Variants in DLGAP2 observed in about 807,000 individuals in gnomAD.
DLGAP2 encodes the protein DLG associated protein 2.
A neutral mutation model predicts 100.3 loss-of-function variants in DLGAP2; 26 were observed. The observed-to-expected ratio is 0.26, with a 90% CI of 0.19 to 0.36. DLGAP2 has a LOEUF of 0.36. DLGAP2 is among the 10% of genes least tolerant of loss of function. The probability of loss-of-function intolerance (pLI) is 1.00; values close to 1 mark genes in which losing one functional copy is unlikely to be tolerated. For missense variants in DLGAP2, 1,858 were observed against 1,453.2 expected (o/e 1.28, Z -4.53); for synonymous variants, 886 against 630.1 (o/e 1.41, Z -6.08).
chr8:1,250,496 C>T (rs1440598757), intron 2 of DLGAP2: 2 of 152,180 alleles, frequency 1.3e-5, no homozygotes, highest in South Asian at 2.1e-4. Context: ...TGAATGTCTT[C>T]TCTGAGGATA....
intron 2 of DLGAP2, among the ~76,000 whole-genome samples, chr8:1,061,734 TC>T (rs1227137374): frequency 6.6e-6 from 1 of 151,018 alleles, no homozygotes; most frequent in African/African-American, 2.4e-5. Flanking sequence ...CTGCTTCCCT[TC>T]CCTCTCCCTC....
At chr8:971,302 A>G (rs1800008153) in intron 2 of DLGAP2, among the ~76,000 whole-genome samples, 2 of 152,220 alleles carry the variant, frequency 1.3e-5, no homozygotes, top group African/African-American at 4.8e-5. Context: ...CTGCTCTGAC[A>G]CATAAGGGCA....
At chr8:779,328 A>G (rs1200898477) in intron 1 of DLGAP2, among the ~76,000 whole-genome samples, 2 of 151,692 alleles carry the variant, frequency 1.3e-5, no homozygotes, top group East Asian at 1.9e-4. Context: ...GGAGCTGTAG[A>G]CTGGAGCTGT....
At chr8:883,737 G>A (rs2128994094) in intron 1 of DLGAP2, among the ~76,000 whole-genome samples, 1 of 152,274 alleles carries the variant, frequency 6.6e-6, no homozygotes, top group South Asian at 2.1e-4. Context: ...AGGAGCGCGG[G>A]TGCTGTGGTG....
chr8:1,234,344 G>C (rs62486948), intron 2 of DLGAP2, among the ~76,000 whole-genome samples: 2 of 152,054 alleles, frequency 1.3e-5, no homozygotes, highest in African/African-American at 2.4e-5. Context: ...AGGGAAGTAC[G>C]TGTTCTAGGC....
intron 2 of DLGAP2, among the ~76,000 whole-genome samples, chr8:950,873 C>G (rs565332816): frequency 6.6e-6 from 1 of 152,162 alleles, no homozygotes; most frequent in South Asian, 2.1e-4. Context: ...GTCCACCCGC[C>G]TCAACTTCCC....
chr8:868,369 C>T (rs1194773919), intron 1 of DLGAP2, among the ~76,000 whole-genome samples: 2 of 152,162 alleles, frequency 1.3e-5, no homozygotes, highest in Non-Finnish European at 2.9e-5. Flanking sequence ...TCACCTAGCA[C>T]CTGTTCCTCC....
chr8:1,591,545 C>G (rs1351626453), intron 6 of DLGAP2, among the ~76,000 whole-genome samples: 8 of 152,088 alleles, frequency 5.3e-5, no homozygotes, highest in African/African-American at 1.9e-4. Context: ...CCTCCCACTC[C>G]ACCTCCACTG....
At chr8:750,106 T>C (rs1017033540) in intron 1 of DLGAP2, among the ~76,000 whole-genome samples, 1 of 152,242 alleles carries the variant, frequency 6.6e-6, no homozygotes, top group Non-Finnish European at 1.5e-5. Flanking sequence ...CCAAGCACGC[T>C]CACATTCCTG....
intron 6 of DLGAP2, among the ~76,000 whole-genome samples, chr8:1,577,673 C>A (rs1347095397): frequency 6.6e-6 from 1 of 152,066 alleles, no homozygotes; most frequent in Non-Finnish European, 1.5e-5. Context: ...CTGCTGGAGG[C>A]TGCAGCCTGG....
At chr8:869,532 CAATT>C (rs1438055068) in intron 1 of DLGAP2, among the ~76,000 whole-genome samples, 3 of 152,202 alleles carry the variant, frequency 2.0e-5, no homozygotes, top group Non-Finnish European at 4.4e-5. Context: ...TAGCATGTCA[CAATT>C]AATCACTTTA....
intron 3 of DLGAP2, among the ~76,000 whole-genome samples, chr8:1,355,617 C>T (rs1352826584): frequency 6.6e-6 from 1 of 152,152 alleles, no homozygotes; most frequent in African/African-American, 2.4e-5. Flanking sequence ...CCTGTCTCGG[C>T]CTCCCAGGGT....
intron 1 of DLGAP2, 173 bp downstream of exon 1, chr8:737,998 GA>G (rs1054792018): frequency 1.2e-5 from 4 of 323,564 alleles, no homozygotes; most frequent in African/African-American, 8.8e-5. Flanking sequence ...GGACCCCAGG[GA>G]CAGCCTGTGC....
chr8:1,681,698 A>G (rs1176111875), intron 12 of DLGAP2, among the ~76,000 whole-genome samples: 1 of 152,196 alleles, frequency 6.6e-6, no homozygotes, highest in African/African-American at 2.4e-5. Flanking sequence ...CACATATGAT[A>G]TGTCAGGCCC....
rs542028477 is a variant in DLGAP2 at position 1,081,891 on chromosome 8, C to T, written c.73+173925C>T. ...CAGCAGCGAGTGGATGCCGACGCTG[C>T]GGCTGCTCCTACCCCTGGCCACTTA... On this transcript the variant is annotated intron_variant, in intron 2 of 14. Coordinates refer to ENST00000637795, the MANE Select transcript of DLGAP2 (RefSeq NM_001346810.2). 3.3e-5 allele frequency among the ~76,000 whole-genome samples: 5 copies of T among 152,272 alleles called. No individual in the cohort carries two copies. The East Asian group carries it at 7.7e-4, about 23-fold the overall frequency.
chr8:1,149,969 T>A (rs756161750), intron 2 of DLGAP2, among the ~76,000 whole-genome samples: 1 of 152,226 alleles, frequency 6.6e-6, no homozygotes, highest in African/African-American at 2.4e-5. Context: ...TAGCCACAGA[T>A]ACGAATTCTG....
chr8:1,523,662 A>G (rs1800689407), intron 4 of DLGAP2, among the ~76,000 whole-genome samples: 1 of 152,144 alleles, frequency 6.6e-6, no homozygotes, highest in Admixed American at 6.5e-5. Flanking sequence ...ACCCCGAGGA[A>G]CACTCGTGGA....
chr8:911,692 G>A (rs1264675154), intron 2 of DLGAP2, among the ~76,000 whole-genome samples: 2 of 149,924 alleles, frequency 1.3e-5, no homozygotes, highest in African/African-American at 4.9e-5. Context: ...TATGTTGGAA[G>A]GATGTTGGAG....
At chr8:1,680,902 A>C (rs1798927791) in intron 12 of DLGAP2, 1 of 152,240 alleles carries the variant, frequency 6.6e-6, no homozygotes, top group Admixed American at 6.5e-5. Flanking sequence ...GGTTTTGTGC[A>C]TGCTGACAGG....
Sources: allele counts gnomAD v4.1 joint callset (sites outside exome capture counted in the v4.1 genomes callset), GRCh38; gene constraint gnomAD v4.1.1; transcripts MANE v1.5; gene names NCBI Gene and HGNC (gene_info 2026-07-23, HGNC 2026-07-21).